The following EEIG2 variants were observed in gnomAD, a reference collection of about 807,000 sequenced individuals.
EEIG2 encodes the protein EEIG family member 2.
chr1:108,563,184 G>A, the EEIG2 span, among the ~76,000 whole-genome samples: 14 of 152,160 alleles, frequency 9.2e-5, no homozygotes, highest in East Asian at 1.9e-4. Flanking sequence ...AAAACTTTAC[G>A]TAAATGATAA....
chr1:108,619,814 C>G, the EEIG2 span, among the ~76,000 whole-genome samples: 7 of 152,186 alleles, frequency 4.6e-5, no homozygotes, highest in Admixed American at 6.5e-5. Context: ...CCCTTAAGCC[C>G]AAGAAGCTGA....
At chr1:108,628,150 G>A in the EEIG2 span, 2 of 1,611,312 alleles carry the variant, frequency 1.2e-6, no homozygotes, top group East Asian at 2.2e-5. Context: ...ATGACATCAT[G>A]TTATGACATA....
chr1:108,573,287 G>A, the EEIG2 span, among the ~76,000 whole-genome samples: 1 of 152,204 alleles, frequency 6.6e-6, no homozygotes, highest in African/African-American at 2.4e-5. Flanking sequence ...AAGTGATAGA[G>A]CAAGTCTAAA....
chr1:108,636,789 AT>A, the EEIG2 span: 11 of 146,868 alleles, frequency 7.5e-5, no homozygotes, highest in African/African-American at 2.9e-4. Context: ...GACTTGCATT[AT>A]GTCTTCATGT....
chr1:108,612,708 T>C, the EEIG2 span, among the ~76,000 whole-genome samples: 3 of 152,254 alleles, frequency 2.0e-5, no homozygotes, highest in Non-Finnish European at 4.4e-5. Context: ...AACCCACTTC[T>C]GGGCATCTGC....
At chr1:108,583,394 C>T in the EEIG2 span, among the ~76,000 whole-genome samples, 2 of 151,532 alleles carry the variant, frequency 1.3e-5, no homozygotes, top group Admixed American at 1.3e-4. Context: ...ATCCACCTAC[C>T]TTGATCTCCC....
the EEIG2 span, among the ~76,000 whole-genome samples, chr1:108,574,681 C>T: frequency 3.3e-5 from 5 of 152,158 alleles, no homozygotes; most frequent in Non-Finnish European, 5.9e-5. Flanking sequence ...ACCCAGGAGG[C>T]GGAGGTTGCA....
At chr1:108,631,023 T>C in the EEIG2 span, 1 of 209,650 alleles carries the variant, frequency 4.8e-6, no homozygotes, top group African/African-American at 2.3e-5. Context: ...TTAACTACAA[T>C]CAGATATCAT....
chr1:108,573,523 TA>T, the EEIG2 span, among the ~76,000 whole-genome samples: 2 of 152,184 alleles, frequency 1.3e-5, no homozygotes, highest in African/African-American at 4.8e-5. Flanking sequence ...ATGAGGATAT[TA>T]GAGTCTCCAA....
chr1:108,591,546 A>G, the EEIG2 span, among the ~76,000 whole-genome samples: 1 of 152,246 alleles, frequency 6.6e-6, no homozygotes, highest in Admixed American at 6.5e-5. Flanking sequence ...TTTGAAATGT[A>G]TCAATCATAG....
chr1:108,560,577 C>G, the EEIG2 span: 1 of 1,607,330 alleles, frequency 6.2e-7, no homozygotes, highest in Non-Finnish European at 8.5e-7. Context: ...TAACTCGCCT[C>G]CCGCGCCGCC....
At chr1:108,632,470 C>T in the EEIG2 span, among the ~76,000 whole-genome samples, 3 of 151,988 alleles carry the variant, frequency 2.0e-5, no homozygotes, top group Non-Finnish European at 2.9e-5. Context: ...GAAAAATAAC[C>T]GGCCATAATT....
the EEIG2 span, among the ~76,000 whole-genome samples, chr1:108,632,166 G>C: frequency 2.1e-5 from 3 of 146,104 alleles, no homozygotes; most frequent in Non-Finnish European, 4.5e-5. Context: ...TTTGCCCAAG[G>C]CCTTAAAACT....
the EEIG2 span, among the ~76,000 whole-genome samples, chr1:108,611,621 A>C: frequency 6.6e-6 from 1 of 152,366 alleles, no homozygotes; most frequent in African/African-American, 2.4e-5. Flanking sequence ...AAGAGAAGGC[A>C]CTGGTACCAA....
chr1:108,579,766 T>TGAGAGAGAGAGAGAGAGAGAGA, the EEIG2 span, among the ~76,000 whole-genome samples: 10 of 14,816 alleles, frequency 6.7e-4, no homozygotes, highest in South Asian at 7.7e-3. Flanking sequence ...TGTGTGTGTG[T>TGAGAGAGAGAGAGAGAGAGAGA]GTGTGTGAGA....
At chr1:108,633,548 C>G in the EEIG2 span, among the ~76,000 whole-genome samples, 1 of 152,228 alleles carries the variant, frequency 6.6e-6, no homozygotes, top group Non-Finnish European at 1.5e-5. Context: ...CGGCATGCAC[C>G]TGCCTGCTTT....
the EEIG2 span, chr1:108,629,648 T>C: frequency 6.8e-6 from 11 of 1,610,250 alleles, no homozygotes; most frequent in African/African-American, 1.3e-5. Flanking sequence ...AGTCATCATC[T>C]TCCAAATAGG....
the EEIG2 span, among the ~76,000 whole-genome samples, chr1:108,630,446 GA>G: frequency 0.18 from 28,089 of 152,088 alleles, 4,592 homozygotes; most frequent in African/African-American, 0.44. Context: ...AGCGGGGAGG[GA>G]ATAGCATTAG....
the EEIG2 span, chr1:108,638,285 A>G: frequency 2.0e-5 from 3 of 152,224 alleles, no homozygotes; most frequent in Non-Finnish European, 4.4e-5. Context: ...ACTGTGAGCC[A>G]CAGAGGTTGA....
Sources: gnomAD v4.1 joint callset for allele counts (sites outside exome capture counted in the v4.1 genomes callset) on GRCh38, gnomAD v4.1.1 for gene constraint, MANE v1.5 for transcripts, NCBI Gene and HGNC (gene_info 2026-07-23, HGNC 2026-07-21) for gene names.